Variants in PIK3C2A observed in about 807,000 individuals in gnomAD.
The protein encoded by PIK3C2A is phosphatidylinositol 4-phosphate 3-kinase C2 domain-containing subunit alpha.
A neutral mutation model predicts 204.5 loss-of-function variants in PIK3C2A; 97 were observed. The ratio of observed to expected loss-of-function variants is 0.47; its 90% CI spans 0.40 to 0.56. The LOEUF (loss-of-function observed/expected upper bound fraction) is 0.56, where lower values mean the gene tolerates loss of function less well. Ranked by LOEUF, PIK3C2A falls within the 20% of genes least tolerant of loss-of-function variation. The pLI, the probability that PIK3C2A is intolerant of heterozygous loss-of-function variation, is 0.00. For missense variants in PIK3C2A, 1,735 were observed against 1,969.2 expected (o/e 0.88, Z 2.25); for synonymous variants, 653 against 664.4 (o/e 0.98, Z 0.26).
intron 18 of PIK3C2A, 78 bp from the exon 19 acceptor site, chr11:17,117,749 C>T (rs577006082): frequency 8.6e-6 from 7 of 810,968 alleles, no homozygotes; most frequent in Admixed American, 2.9e-5. Flanking sequence ...GAGCCTCACT[C>T]GTCACCCAGG....
At position 17,135,128 on chromosome 11, in the gene PIK3C2A, C is replaced by T; in HGVS notation, c.1880G>A (p.Ser627Asn). 1 of 1,614,010 alleles carries T rather than the reference C, an allele frequency of 6.2e-7. No homozygotes were observed. Among genetic ancestry groups the T allele is most frequent in the Non-Finnish European group, 8.5e-7 (1 of 1,179,948 alleles). The change falls in exon 10 of 33, where the codon AGC (serine) becomes AAC (asparagine). Residue 627 changes from serine (S) to asparagine (N), a missense_variant. Transcript: ENST00000691414. ...ACACATACCCCTAGTTGAACTCCTGCTAGTGTCTTCTCCTCCAAACAAAGA... is the reference window on the plus strand; with the variant it reads ...ACACATACCCCTAGTTGAACTCCTGTTAGTGTCTTCTCCTCCAAACAAAGA... The part of the protein sequence containing the change: ...VTSLFGGEDT[S>N]RSSTRGSLNP...
chr11:17,172,435 C>A (rs1166333810), intron 1 of PIK3C2A, among the ~76,000 whole-genome samples: 1 of 152,202 alleles, frequency 6.6e-6, no homozygotes, highest in Non-Finnish European at 1.5e-5. Flanking sequence ...GACCATCCAT[C>A]CACACTCCAG....
At chr11:17,097,414 A>G in intron 26 of PIK3C2A, 150 bp from the exon 27 acceptor site, 1 of 612,442 alleles carries the variant, frequency 1.6e-6, no homozygotes, top group Non-Finnish European at 2.9e-6. Context: ...CTACAGGCCA[A>G]AGGTTTGTTA....
At chr11:17,189,077 CT>C (rs1851852387) in intron 1 of PIK3C2A, among the ~76,000 whole-genome samples, 1 of 146,834 alleles carries the variant, frequency 6.8e-6, no homozygotes, top group South Asian at 2.1e-4. Flanking sequence ...CAAAACAGAT[CT>C]CTGAAATCAT....
chr11:17,091,694 G>A (rs1848315227), intron 30 of PIK3C2A, 38 bp from the exon 31 acceptor site: 1 of 1,321,756 alleles, frequency 7.6e-7, no homozygotes, highest in African/African-American at 1.5e-5. Context: ...TTTACTGGTT[G>A]TAGTGGTTCA....
chr11:17,144,369 TA>T (rs1385790315), intron 8 of PIK3C2A, among the ~76,000 whole-genome samples: 1 of 152,194 alleles, frequency 6.6e-6, no homozygotes, highest in Non-Finnish European at 1.5e-5. Context: ...AAGTTTTGTT[TA>T]AATCCCTCAC....
intron 8 of PIK3C2A, among the ~76,000 whole-genome samples, chr11:17,143,636 AAC>A (rs1274684384): frequency 3.4e-4 from 48 of 141,500 alleles, no homozygotes; most frequent in African/African-American, 1.1e-3. Context: ...AAAAAAAAAA[AAC>A]AAAAAAAAAA....
intron 18 of PIK3C2A, 106 bp from the exon 19 acceptor site, chr11:17,117,777 C>T (rs945042804): frequency 8.3e-6 from 5 of 605,532 alleles, no homozygotes; most frequent in African/African-American, 3.9e-5. Flanking sequence ...GCAGTGGCGC[C>T]ATCTCGGCTC....
In PIK3C2A at chr11:17,169,786, T is replaced by C. The variant is rs1446259026; in HGVS notation, c.-45A>G. ...CCTTCCTTCCTCTATTTTTTTCTTGTAGCTTCCAAAATAGCAAGGCCTATA... is the reference window on the plus strand; with the variant it reads ...CCTTCCTTCCTCTATTTTTTTCTTGCAGCTTCCAAAATAGCAAGGCCTATA... On this transcript the variant is annotated 5_prime_UTR_variant, in exon 2 of 33. Transcript: ENST00000691414. 1 of 1,358,124 alleles carries C rather than the reference T, an allele frequency of 7.4e-7. No homozygotes were observed. The highest frequency in any genetic ancestry group is 2.3e-5 in the East Asian group (1 of 43,746). 84.1% of individuals were successfully genotyped at this position (1,358,124 alleles called of 1,614,324 possible).
At chr11:17,140,560 A>G (rs1850030246) in intron 8 of PIK3C2A, among the ~76,000 whole-genome samples, 2 of 152,228 alleles carry the variant, frequency 1.3e-5, no homozygotes, top group Admixed American at 1.3e-4. Context: ...GTAAAAAACT[A>G]CATAGTACAT....
chr11:17,151,885 C>T (rs1378469644), intron 3 of PIK3C2A, among the ~76,000 whole-genome samples: 4 of 152,128 alleles, frequency 2.6e-5, no homozygotes, highest in South Asian at 2.1e-4. Flanking sequence ...CAGTCTCAAG[C>T]ATTCCTTTAT....
chr11:17,171,346 T>G (rs979982680), intron 1 of PIK3C2A, among the ~76,000 whole-genome samples: 2 of 152,210 alleles, frequency 1.3e-5, no homozygotes, highest in African/African-American at 4.8e-5. Flanking sequence ...AGAGAGCTCC[T>G]GTTTACATTC....
At chr11:17,115,392 AAAGAC>A (rs1288449369) in intron 19 of PIK3C2A, among the ~76,000 whole-genome samples, 2 of 150,200 alleles carry the variant, frequency 1.3e-5, no homozygotes, top group African/African-American at 2.4e-5. Flanking sequence ...AAAAAAAAAA[AAAGAC>A]AGGCATGGTG....
rs557522005 is a variant in PIK3C2A, at chr11:17,102,368, C to T, written c.3851+294G>A. 2.2e-4 allele frequency among the ~76,000 whole-genome samples: 34 copies of T among 152,198 alleles called. No individual in the cohort carries two copies. The South Asian group carries it at 5.8e-3, about 26-fold the overall frequency. ...AGGAGAATGGCGTGAACCCGGGAGG[C>T]GGAGCTTGCAGTGAGCCGAGATCGT... On this transcript the variant is annotated intron_variant, in intron 24 of 32. Transcript: ENST00000691414.
At chr11:17,150,454 C>T (rs1185556977) in intron 4 of PIK3C2A, 44 bp downstream of exon 4, 2 of 1,497,712 alleles carry the variant, frequency 1.3e-6, no homozygotes, top group Non-Finnish European at 1.8e-6. Context: ...AAACATTTCC[C>T]CCTAACAGAG....
chr11:17,164,574 G>A (rs542134678), intron 2 of PIK3C2A, among the ~76,000 whole-genome samples: 11 of 152,290 alleles, frequency 7.2e-5, no homozygotes, highest in Non-Finnish European at 2.9e-5. Context: ...ATGCTACACT[G>A]TAGTAATCTA....
At chr11:17,157,864 T>C (rs905555811) in intron 2 of PIK3C2A, among the ~76,000 whole-genome samples, 3 of 152,114 alleles carry the variant, frequency 2.0e-5, no homozygotes, top group African/African-American at 7.2e-5. Context: ...TCCTAGCAAA[T>C]CCTCTGGTTT....
chr11:17,126,479 T>A (rs895717093), intron 13 of PIK3C2A, among the ~76,000 whole-genome samples: 1 of 152,206 alleles, frequency 6.6e-6, no homozygotes, highest in African/African-American at 2.4e-5. Context: ...ATAGTGACCA[T>A]TAGGTCATAT....
chr11:17,195,770 TG>T (rs905058128), intron 1 of PIK3C2A, among the ~76,000 whole-genome samples: 7 of 145,442 alleles, frequency 4.8e-5, no homozygotes, highest in African/African-American at 1.5e-4. Flanking sequence ...CCCCGCGCGC[TG>T]GCTCACGCCT....
Sources: gnomAD v4.1 joint callset for allele counts (sites outside exome capture counted in the v4.1 genomes callset) on GRCh38, gnomAD v4.1.1 for gene constraint, MANE v1.5 for transcripts, NCBI Gene and HGNC (gene_info 2026-07-23, HGNC 2026-07-21) for gene names.